Variants in CYTH1 observed in about 807,000 individuals in gnomAD.
CYTH1 encodes the protein cytohesin 1, also known as cytohesin-1.
In CYTH1, 18 loss-of-function variants were observed where a neutral mutation model predicts 61.8. That is an observed-to-expected ratio of 0.29 (90% CI 0.20 to 0.43). CYTH1 has a LOEUF of 0.43. Among genes scored for constraint, CYTH1 ranks in the 20% least tolerant of loss-of-function variants. The probability of loss-of-function intolerance (pLI) is 1.00; values close to 1 mark genes in which losing one functional copy is unlikely to be tolerated. For missense variants in CYTH1, 336 were observed against 510.5 expected (o/e 0.66, Z 3.29); for synonymous variants, 174 against 184.3 (o/e 0.94, Z 0.45).
chr17:78,747,157 A>G (rs2093362540), intron 1 of CYTH1, among the ~76,000 whole-genome samples: 1 of 150,498 alleles, frequency 6.6e-6, no homozygotes, highest in Non-Finnish European at 1.5e-5. Flanking sequence ...AAAAAAAAAA[A>G]AAAAAAAAAA....
intron 1 of CYTH1, among the ~76,000 whole-genome samples, chr17:78,765,052 G>A (rs946631773): frequency 6.6e-6 from 1 of 152,122 alleles, no homozygotes; most frequent in African/African-American, 2.4e-5. Context: ...GTTATTTGGA[G>A]GAAAAGCATC....
At chr17:78,689,407 G>A (rs2092852416) in intron 11 of CYTH1, among the ~76,000 whole-genome samples, 1 of 152,170 alleles carries the variant, frequency 6.6e-6, no homozygotes, top group Admixed American at 6.5e-5. Context: ...AGATTCTCAG[G>A]AGGAGTGCAC....
chr17:78,779,582 T>C (rs1184051250), intron 1 of CYTH1, among the ~76,000 whole-genome samples: 1 of 152,192 alleles, frequency 6.6e-6, no homozygotes, highest in Non-Finnish European at 1.5e-5. Flanking sequence ...TTAAGGTTGC[T>C]AATCCTTAGC....
At chr17:78,685,745 A>T (rs1213859525) in intron 11 of CYTH1, among the ~76,000 whole-genome samples, 1 of 152,140 alleles carries the variant, frequency 6.6e-6, no homozygotes, top group African/African-American at 2.4e-5. Flanking sequence ...AGAAGGTTCC[A>T]AAGTGCCGCA....
intron 1 of CYTH1, chr17:78,727,586 A>T (rs905282213): frequency 1.1e-5 from 5 of 440,610 alleles, no homozygotes; most frequent in Non-Finnish European, 2.4e-5. Context: ...AGGTGTAAGA[A>T]GGAGCTGACT....
chr17:78,782,097 G>A, intron 1 of CYTH1, 105 bp downstream of exon 1: 1 of 1,019,104 alleles, frequency 9.8e-7, no homozygotes, highest in Non-Finnish European at 1.2e-6. Context: ...TCCCGCACCA[G>A]TGTCCCCGGG....
chr17:78,755,281 T>C (rs1329336790), intron 1 of CYTH1, among the ~76,000 whole-genome samples: 1 of 152,054 alleles, frequency 6.6e-6, no homozygotes, highest in East Asian at 1.9e-4. Context: ...GTTCAAGCAA[T>C]TCTCCTGCCT....
intron 1 of CYTH1, among the ~76,000 whole-genome samples, chr17:78,760,597 A>G (rs367953850): frequency 7.0e-5 from 9 of 128,156 alleles, no homozygotes; most frequent in South Asian, 2.4e-4. Context: ...ATATATATGT[A>G]TATATATAGT....
intron 1 of CYTH1, among the ~76,000 whole-genome samples, chr17:78,769,986 C>T (rs960269089): frequency 5.9e-5 from 9 of 152,040 alleles, no homozygotes; most frequent in African/African-American, 1.7e-4. Context: ...CCCGTCTGTA[C>T]TAAACATACA....
chr17:78,702,966 C>T (rs1288746934), intron 3 of CYTH1, among the ~76,000 whole-genome samples: 1 of 152,076 alleles, frequency 6.6e-6, no homozygotes, highest in Non-Finnish European at 1.5e-5. Context: ...GGACCACAGG[C>T]GCATGCCACC....
At chr17:78,722,959 T>A (rs2093241493) in intron 1 of CYTH1, among the ~76,000 whole-genome samples, 1 of 152,068 alleles carries the variant, frequency 6.6e-6, no homozygotes, top group Admixed American at 6.5e-5. Context: ...CCAAGGAAAT[T>A]GACTACTGGC....
At chr17:78,682,706 GC>G (rs2092776001) in intron 11 of CYTH1, among the ~76,000 whole-genome samples, 1 of 152,228 alleles carries the variant, frequency 6.6e-6, no homozygotes, top group Non-Finnish European at 1.5e-5. Context: ...AGACTGGGAA[GC>G]CCAGCATTCC....
At chr17:78,695,981 G>A (rs769612064) in intron 10 of CYTH1, 26 bp downstream of exon 10, 34 of 1,367,712 alleles carry the variant, frequency 2.5e-5, no homozygotes, top group Non-Finnish European at 2.9e-5. Context: ...CTAGCAGAGC[G>A]AGCGAGCAGG....
At chr17:78,777,457 AC>A (rs1259477584) in intron 1 of CYTH1, among the ~76,000 whole-genome samples, 1 of 152,114 alleles carries the variant, frequency 6.6e-6, no homozygotes. Flanking sequence ...AAATAAATAA[AC>A]AAACCAGTAA....
chr17:78,674,964 C>T lies in CYTH1; in HGVS notation c.*1127G>A, dbSNP rs2092682337. 6.6e-6 allele frequency: 1 copy of T among 152,400 alleles called. No homozygotes were observed. 9.4% of individuals were successfully genotyped at this position (152,400 alleles called of 1,614,324 possible). On this transcript the variant is annotated 3_prime_UTR_variant, in exon 14 of 14. Transcript: ENST00000446868. ...TGCACCCCACGGAGCAGATAAAGGC[C>T]CATCTTCCCCTCTAGGGGGCCCACC...
intron 3 of CYTH1, 33 bp from the exon 4 acceptor site, chr17:78,702,637 T>C (rs1346775443): frequency 1.2e-6 from 2 of 1,606,630 alleles, no homozygotes; most frequent in Non-Finnish European, 8.5e-7. Flanking sequence ...ATTTTAGTAC[T>C]TCAGGCCATC....
At position 78,740,125 on chromosome 17, in the gene CYTH1, G is replaced by A. The variant is rs942906188; in HGVS notation, c.23-30393C>T. ...TAATTTTTGTATTTTTAGTAGAGGCGGGGTTTCACCATGTTGGCCAGGCTG... is the reference window on the plus strand; with the variant it reads ...TAATTTTTGTATTTTTAGTAGAGGCAGGGTTTCACCATGTTGGCCAGGCTG... On this transcript the variant is annotated intron_variant, in intron 1 of 13. Coordinates refer to ENST00000446868, the MANE Select transcript of CYTH1 (RefSeq NM_004762.6). Among the ~76,000 whole-genome samples the A allele has an allele frequency of 5.9e-5, 9 of 152,204 alleles. No homozygotes were observed. The East Asian group carries it at 1.4e-3, about 23-fold the overall frequency.
chr17:78,724,355 A>G (rs971867403), intron 1 of CYTH1, among the ~76,000 whole-genome samples: 6 of 152,184 alleles, frequency 3.9e-5, no homozygotes, highest in African/African-American at 1.2e-4. Context: ...AGAAGGGAGG[A>G]GATATTTTTT....
intron 1 of CYTH1, among the ~76,000 whole-genome samples, chr17:78,763,586 T>C (rs1598920243): frequency 1.3e-5 from 2 of 151,908 alleles, no homozygotes; most frequent in Non-Finnish European, 2.9e-5. Flanking sequence ...AATAAACTAA[T>C]AATAAAGAAC....
Sources: allele counts gnomAD v4.1 joint callset (sites outside exome capture counted in the v4.1 genomes callset), GRCh38; gene constraint gnomAD v4.1.1; transcripts MANE v1.5; gene names NCBI Gene and HGNC (gene_info 2026-07-23, HGNC 2026-07-21).